Variants in DLGAP2 observed in about 807,000 individuals in gnomAD.
DLGAP2 encodes DLG associated protein 2, also known as disks large-associated protein 2.
Under a neutral mutation model 100.3 loss-of-function variants are expected in DLGAP2, and 26 were observed. The ratio of observed to expected loss-of-function variants is 0.26; its 90% confidence interval spans 0.19 to 0.36. The LOEUF is 0.36. Ranked by LOEUF, DLGAP2 falls within the 10% of genes least tolerant of loss-of-function variation. DLGAP2 has a pLI of 1.00. For missense variants in DLGAP2, 1,858 were observed against 1,453.2 expected (o/e 1.28, Z -4.53); for synonymous variants, 886 against 630.1 (o/e 1.41, Z -6.08).
chr8:942,776 G>C (rs1023627363), intron 2 of DLGAP2, among the ~76,000 whole-genome samples: 1 of 152,178 alleles, frequency 6.6e-6, no homozygotes, highest in African/African-American at 2.4e-5. Flanking sequence ...ACAGGGCTCA[G>C]CATGAGGTTT....
Position 909,386 on chromosome 8 carries a change from G to A in DLGAP2, c.73+1420G>A, listed in dbSNP as rs371382432. 4.7e-3 allele frequency among the ~76,000 whole-genome samples: 720 copies of A among 151,980 alleles called. 11 individuals are homozygous for A. Among genetic ancestry groups the A allele is most frequent in the African/African-American group, 0.017 (693 of 41,458 alleles). Reference sequence around the variant, plus strand: ...TACTCTAAGAAACATCAGGAATAACGATAAAATAAGTTAAAAGCTAACTAC... The same window carrying A: ...TACTCTAAGAAACATCAGGAATAACAATAAAATAAGTTAAAAGCTAACTAC... On this transcript the variant is annotated intron_variant, in intron 2 of 14. Transcript: ENST00000637795.
chr8:1,149,413 C>G (rs1473419507), intron 2 of DLGAP2, among the ~76,000 whole-genome samples: 1 of 152,052 alleles, frequency 6.6e-6, no homozygotes, highest in African/African-American at 2.4e-5. Context: ...TCCCAAAGTG[C>G]TGGGATTACA....
chr8:1,154,983 C>T (rs1796755228), intron 2 of DLGAP2, among the ~76,000 whole-genome samples: 1 of 152,346 alleles, frequency 6.6e-6, no homozygotes, highest in South Asian at 2.1e-4. Context: ...ATGGCTACTT[C>T]TTCCCGGGCC....
intron 2 of DLGAP2, among the ~76,000 whole-genome samples, chr8:1,086,026 A>G (rs1434704886): frequency 6.6e-6 from 1 of 151,984 alleles, no homozygotes; most frequent in Admixed American, 6.6e-5. Context: ...TTTTGTTGCC[A>G]TTGTTAATGG....
intron 12 of DLGAP2, among the ~76,000 whole-genome samples, chr8:1,686,681 A>T (rs1254362183): frequency 6.6e-6 from 1 of 152,184 alleles, no homozygotes; most frequent in Non-Finnish European, 1.5e-5. Context: ...TCCAAAAAAA[A>T]AAAGCAGAGC....
At chr8:1,341,239 T>C (rs1324874782) in intron 3 of DLGAP2, among the ~76,000 whole-genome samples, 1 of 152,206 alleles carries the variant, frequency 6.6e-6, no homozygotes, top group African/African-American at 2.4e-5. Flanking sequence ...AAAATCAAAG[T>C]TAAAAAATGA....
chr8:839,590 C>G (rs1196864612), intron 1 of DLGAP2, among the ~76,000 whole-genome samples: 1 of 152,164 alleles, frequency 6.6e-6, no homozygotes, highest in East Asian at 1.9e-4. Flanking sequence ...TGGGAAGAGT[C>G]TGGCCAAAGG....
chr8:925,451 G>T (rs1381808766), intron 2 of DLGAP2, among the ~76,000 whole-genome samples: 2 of 152,128 alleles, frequency 1.3e-5, no homozygotes, highest in African/African-American at 4.8e-5. Flanking sequence ...ATGGTGTTCT[G>T]TGTGGAGGCT....
intron 3 of DLGAP2, among the ~76,000 whole-genome samples, chr8:1,487,325 A>G (rs1799257454): frequency 6.6e-6 from 1 of 152,256 alleles, no homozygotes; most frequent in South Asian, 2.1e-4. Flanking sequence ...TTCTATGGCT[A>G]AGTAGTACTG....
chr8:1,576,449 C>A (rs1370073766), intron 6 of DLGAP2, among the ~76,000 whole-genome samples: 2 of 152,144 alleles, frequency 1.3e-5, no homozygotes, highest in Non-Finnish European at 2.9e-5. Flanking sequence ...GTTTCTTTTG[C>A]TGTTCAGAAG....
At chr8:1,222,136 T>C (rs1015726088) in intron 2 of DLGAP2, among the ~76,000 whole-genome samples, 2 of 152,212 alleles carry the variant, frequency 1.3e-5, no homozygotes, top group African/African-American at 2.4e-5. Context: ...AGCAGTCATT[T>C]GGTTGTAAGA....
chr8:1,544,235 G>A (rs1358517858), intron 4 of DLGAP2, among the ~76,000 whole-genome samples: 1 of 152,114 alleles, frequency 6.6e-6, no homozygotes, highest in Non-Finnish European at 1.5e-5. Context: ...CGGTCCCAGG[G>A]ACTTTATTCT....
intron 1 of DLGAP2, among the ~76,000 whole-genome samples, chr8:892,493 C>T (rs12545374): frequency 0.26 from 38,818 of 152,046 alleles, 5,174 homozygotes; most frequent in East Asian, 0.46. Context: ...GCCCCTGGGG[C>T]TGCAGATTCA....
At chr8:933,593 G>A (rs1318135451) in intron 2 of DLGAP2, among the ~76,000 whole-genome samples, 4 of 96,264 alleles carry the variant, frequency 4.2e-5, no homozygotes, top group Non-Finnish European at 8.4e-5. Flanking sequence ...CCGTGGGCAC[G>A]AGGGGAGGGT....
rs1187607972 is a variant in DLGAP2, at chr8:1,632,975, A to G, written c.1739A>G (p.Tyr580Cys). The change falls in exon 8 of 15, where the codon TAC becomes TGC. Residue 580 changes from tyrosine to cysteine, a missense_variant. Tyr to Cys is a radical substitution (Grantham distance 194). Coordinates refer to ENST00000637795, the MANE Select transcript of DLGAP2 (RefSeq NM_001346810.2). ...HSYLRAIQAG[Y>C]SQDDECIPMM... Reference sequence around the variant, plus strand: ...TACCTTCGAGCCATTCAAGCCGGCTACTCCCAAGATGACGAATGTATTCCC... The same window carrying G: ...TACCTTCGAGCCATTCAAGCCGGCTGCTCCCAAGATGACGAATGTATTCCC... 1.2e-6 allele frequency: 2 copies of G among 1,613,828 alleles called. No individual in the cohort carries two copies. The highest frequency in any genetic ancestry group is 1.1e-5 in the South Asian group (1 of 91,078).
intron 8 of DLGAP2, among the ~76,000 whole-genome samples, chr8:1,652,216 T>C (rs9644258): frequency 0.24 from 36,327 of 152,146 alleles, 4,648 homozygotes; most frequent in East Asian, 0.38. Context: ...CCGAGGTTCT[T>C]ACGTGAAGAT....
chr8:857,581 A>G (rs577903339), intron 1 of DLGAP2, among the ~76,000 whole-genome samples: 1 of 152,334 alleles, frequency 6.6e-6, no homozygotes, highest in African/African-American at 2.4e-5. Flanking sequence ...AAGATACTCC[A>G]TGTCATGTGT....
intron 3 of DLGAP2, among the ~76,000 whole-genome samples, chr8:1,344,280 C>G (rs1439870962): frequency 6.7e-6 from 1 of 149,614 alleles, no homozygotes; most frequent in African/African-American, 2.5e-5. Context: ...CGTGCCCAGG[C>G]ATTGTGGGTG....
At chr8:1,598,334 TTGTG>T (rs952811242) in intron 6 of DLGAP2, among the ~76,000 whole-genome samples, 1 of 152,218 alleles carries the variant, frequency 6.6e-6, no homozygotes, top group Non-Finnish European at 1.5e-5. Flanking sequence ...TCTGTTTTTG[TTGTG>T]TCTCTGCCAG....
Sources: gnomAD v4.1 joint callset for allele counts (sites outside exome capture counted in the v4.1 genomes callset) on GRCh38, gnomAD v4.1.1 for gene constraint, MANE v1.5 for transcripts, NCBI Gene and HGNC (gene_info 2026-07-23, HGNC 2026-07-21) for gene names.